Variants in NGEF observed in about 807,000 individuals in gnomAD.
NGEF encodes the protein neuronal guanine nucleotide exchange factor.
Under a neutral mutation model 80.9 loss-of-function variants are expected in NGEF, and 31 were observed. That is an observed-to-expected ratio of 0.38 (90% confidence interval 0.29 to 0.52). NGEF has a LOEUF of 0.52. NGEF is among the 20% of genes least tolerant of loss of function. NGEF has a pLI of 0.84. For missense variants in NGEF, 709 were observed against 926.2 expected (o/e 0.77, Z 3.04); for synonymous variants, 371 against 370.2 (o/e 1.00, Z -0.03).
chr2:232,880,417 A>G (rs77377373), intron 14 of NGEF, among the ~76,000 whole-genome samples: 1,990 of 152,314 alleles, frequency 0.013, 31 homozygotes, highest in African/African-American at 0.045. Context: ...TTCCATGGGA[A>G]GAGGGCAGGA....
chr2:232,893,994 G>A (rs1015874717), intron 6 of NGEF, among the ~76,000 whole-genome samples: 5 of 152,152 alleles, frequency 3.3e-5, no homozygotes, highest in Admixed American at 3.3e-4. Context: ...ATGCTGAGCG[G>A]ATCCCCACTG....
At chr2:232,910,024 G>T (rs1014902708) in intron 5 of NGEF, among the ~76,000 whole-genome samples, 17 of 152,166 alleles carry the variant, frequency 1.1e-4, no homozygotes, top group African/African-American at 4.1e-4. Flanking sequence ...AGGACCTTTG[G>T]CTTGTTTCCA....
At chr2:232,920,631 G>A in intron 4 of NGEF, 46 bp from the exon 5 acceptor site, 1 of 1,493,832 alleles carries the variant, frequency 6.7e-7, no homozygotes, top group Non-Finnish European at 9.0e-7. Context: ...GATCTCAGAT[G>A]ACAATCATTA....
chr2:233,009,385 G>A (rs1280493097), intron 1 of NGEF, among the ~76,000 whole-genome samples: 1 of 152,058 alleles, frequency 6.6e-6, no homozygotes, highest in Non-Finnish European at 1.5e-5. Context: ...TAGAGATGGG[G>A]GTCTTGCTAT....
chr2:232,937,304 T>C (rs1693348500), intron 3 of NGEF, among the ~76,000 whole-genome samples: 1 of 152,198 alleles, frequency 6.6e-6, no homozygotes. Flanking sequence ...CACTTTCCTC[T>C]AACAGCCTTC....
chr2:232,888,237 C>T (rs539827230), intron 8 of NGEF, 130 bp from the exon 9 acceptor site: 14 of 368,902 alleles, frequency 3.8e-5, no homozygotes, highest in East Asian at 7.0e-5. Flanking sequence ...CACACACACA[C>T]GCACGCACGC....
intron 5 of NGEF, among the ~76,000 whole-genome samples, chr2:232,909,868 C>G (rs1246273095): frequency 6.6e-6 from 1 of 152,260 alleles, no homozygotes; most frequent in East Asian, 1.9e-4. Flanking sequence ...TGGAACGACA[C>G]AGTATGTAAC....
rs914160831 is a variant in NGEF at position 232,988,055 on chromosome 2, G to C, written c.-74-13091C>G. Among the ~76,000 whole-genome samples the C allele has an allele frequency of 6.0e-3, 905 of 151,688 alleles. 16 individuals are homozygous for C. The highest frequency in any genetic ancestry group is 0.021 in the African/African-American group (860 of 41,318). ...TGGTCTCGTGTGTGTGTGTGTGTGTGTGTGTGTGTGTGTGTGTGTGTGTGT... is the reference window on the plus strand; with the variant it reads ...TGGTCTCGTGTGTGTGTGTGTGTGTCTGTGTGTGTGTGTGTGTGTGTGTGT... On this transcript the variant is annotated intron_variant, in intron 1 of 14. Transcript: ENST00000264051.
At chr2:232,988,606 T>C (rs1006243180) in intron 1 of NGEF, among the ~76,000 whole-genome samples, 5 of 152,144 alleles carry the variant, frequency 3.3e-5, no homozygotes, top group Non-Finnish European at 5.9e-5. Flanking sequence ...GACCCAGCCA[T>C]CTCCGCTGCA....
intron 3 of NGEF, 101 bp from the exon 4 acceptor site, chr2:232,927,287 G>T (rs1693093610): frequency 1.5e-6 from 2 of 1,332,336 alleles, no homozygotes; most frequent in Non-Finnish European, 2.0e-6. Context: ...CTAGCCAGCC[G>T]GACCTTACCC....
chr2:232,886,398 G>A (rs1397479438), intron 9 of NGEF, among the ~76,000 whole-genome samples: 1 of 151,912 alleles, frequency 6.6e-6, no homozygotes, highest in Non-Finnish European at 1.5e-5. Flanking sequence ...GTATGGGCGT[G>A]TATGTGCTGT....
At chr2:232,981,363 A>T (rs971845052) in intron 1 of NGEF, among the ~76,000 whole-genome samples, 1 of 151,812 alleles carries the variant, frequency 6.6e-6, no homozygotes, top group Non-Finnish European at 1.5e-5. Context: ...TTGCCTGGGG[A>T]CCAGTCTGCC....
At chr2:232,881,855 G>C (rs1435922544) in intron 13 of NGEF, among the ~76,000 whole-genome samples, 1 of 152,182 alleles carries the variant, frequency 6.6e-6, no homozygotes, top group Non-Finnish European at 1.5e-5. Flanking sequence ...GAGATTACAG[G>C]CATGAGCCAC....
chr2:233,009,533 TCA>T (rs1288933111), intron 1 of NGEF, among the ~76,000 whole-genome samples: 2 of 151,998 alleles, frequency 1.3e-5, no homozygotes, highest in Admixed American at 6.5e-5. Flanking sequence ...GTGCAGTGGC[TCA>T]CTCTTCTAAT....
intron 5 of NGEF, among the ~76,000 whole-genome samples, chr2:232,897,571 A>G (rs1205545175): frequency 6.6e-6 from 1 of 152,118 alleles, no homozygotes; most frequent in African/African-American, 2.4e-5. Flanking sequence ...CCCACCTGGC[A>G]GAGCACTCTA....
chr2:232,929,913 G>A (rs1268513596), intron 3 of NGEF, among the ~76,000 whole-genome samples: 5 of 152,162 alleles, frequency 3.3e-5, no homozygotes, highest in African/African-American at 1.2e-4. Flanking sequence ...TCTCCTGGTA[G>A]TGAATAAGTC....
chr2:233,004,398 C>T (rs1256115600), intron 1 of NGEF, among the ~76,000 whole-genome samples: 51 of 152,208 alleles, frequency 3.4e-4, no homozygotes, highest in Non-Finnish European at 7.3e-5. Flanking sequence ...CAGCCCTTCC[C>T]CATCCCCTGG....
In NGEF at chr2:232,914,134, G is replaced by A. The variant is rs184640090; in HGVS notation, c.828+6150C>T. On this transcript the variant is annotated intron_variant, in intron 5 of 14. Coordinates refer to ENST00000264051, the MANE Select transcript of NGEF (RefSeq NM_019850.3). Reference sequence around the variant, plus strand: ...ACAGCCACACTCATTCCTTTACACAGTGTCTATAGCTGCTGTCACACCACA... The same window carrying A: ...ACAGCCACACTCATTCCTTTACACAATGTCTATAGCTGCTGTCACACCACA... Among the ~76,000 whole-genome samples, 5 of 152,266 alleles carry A rather than the reference G, an allele frequency of 3.3e-5. No homozygotes were observed. The East Asian group carries it at 7.7e-4, about 24-fold the overall frequency.
intron 1 of NGEF, among the ~76,000 whole-genome samples, chr2:232,993,206 ATTTGCCCG>A (rs1384490041): frequency 8.9e-5 from 10 of 111,974 alleles, no homozygotes; most frequent in African/African-American, 4.7e-4. Flanking sequence ...TTATATATAT[ATTTGCCCG>A]TATAGATACA....
Sources: allele counts gnomAD v4.1 joint callset (sites outside exome capture counted in the v4.1 genomes callset), GRCh38; gene constraint gnomAD v4.1.1; transcripts MANE v1.5; gene names NCBI Gene and HGNC (gene_info 2026-07-23, HGNC 2026-07-21).